Variants in MROH6 observed in about 807,000 individuals in gnomAD.
MROH6 encodes maestro heat-like repeat-containing protein family member 6.
Under a neutral mutation model 67.7 loss-of-function variants are expected in MROH6, and 62 were observed. The ratio of observed to expected loss-of-function variants is 0.92; its 90% CI spans 0.75 to 1.13. MROH6 has a LOEUF of 1.13. Among genes scored for constraint, MROH6 ranks in the 50% most tolerant of loss-of-function variants. MROH6 has a pLI of 0.00. For missense variants in MROH6, 1,175 were observed against 1,029.1 expected, an observed-to-expected ratio of 1.14 and a Z score of -1.94; for synonymous variants, 566 against 470.8, an observed-to-expected ratio of 1.20 and a Z score of -2.62.
At position 143,568,975 on chromosome 8, in the gene MROH6, G is replaced by C. The variant is rs994997039; in HGVS notation, c.1477-256C>G. On this transcript the variant is annotated intron_variant, in intron 9 of 13. Transcript: ENST00000398882. ...GAGGAGCTTGGCGGGACACGGCCCT[G>C]GAGGGGCGGAGCTGGGCGACAGCAG... 6.5e-6 allele frequency: 3 copies of C among 460,506 alleles called. No individual in the cohort carries two copies. The African/African-American group carries it at 7.0e-5, about 11-fold the overall frequency. 28.5% of individuals were successfully genotyped at this position (460,506 alleles called of 1,614,324 possible).
Position 143,572,631 on chromosome 8 carries a change from G to A in MROH6, c.84C>T (p.Ile28=). ...ALTLTALTEG[I]RARQGQPQGP... The stretch of plus-strand genomic sequence containing the variant: ...CCTGGGGCTGCCCCTGCCTGGCCCG[G>A]ATTCCTTCAGTCAGTGCTGTCAGGG... The change falls in exon 1 of 14, where the codon ATC becomes ATT. Residue 28 remains isoleucine (I), a synonymous_variant. Coordinates refer to ENST00000398882, the MANE Select transcript of MROH6 (RefSeq NM_001100878.2). 6.3e-7 allele frequency: 1 copy of A among 1,584,400 alleles called. No homozygotes were observed. Among genetic ancestry groups the A allele is most frequent in the South Asian group, 1.1e-5 (1 of 88,254 alleles).
Position 143,570,352 on chromosome 8 carries a change from G to C in MROH6, c.934C>G (p.Leu312Val). 6.2e-7 allele frequency: 1 copy of C among 1,610,920 alleles called. No homozygotes were observed. Among genetic ancestry groups the C allele is most frequent in the Non-Finnish European group, 8.5e-7 (1 of 1,179,786 alleles). The change falls in exon 6 of 14, where the codon CTC becomes GTC. Residue 312 changes from leucine (L) to valine (V), a missense_variant. Coordinates refer to ENST00000398882, the MANE Select transcript of MROH6 (RefSeq NM_001100878.2). The part of the protein sequence containing the change: ...SCAVEALKAL[L>V]TGDGGRMVVT... ...ACCATGCGGCCTCCATCCCCGGTGA[G>C]CAGCGCCTTCAAGGCCTCCACAGCA...
At chr8:143,571,564 C>G in intron 3 of MROH6, 103 bp downstream of exon 3, 10 of 1,457,492 alleles carry the variant, frequency 6.9e-6, no homozygotes, top group Non-Finnish European at 9.2e-6. Context: ...ATAAGGAGGC[C>G]CTGCCCCTTT....
At chr8:143,571,437 C>T (rs1824031127) in intron 3 of MROH6, among the ~76,000 whole-genome samples, 1 of 152,200 alleles carries the variant, frequency 6.6e-6, no homozygotes, top group South Asian at 2.1e-4. Context: ...TAGAAGGTGG[C>T]TCCAAGAGAG....
rs760581665 is a variant in MROH6 at position 143,570,528 on chromosome 8, C to A, written c.850G>T (p.Asp284Tyr). Residue 284 changes from aspartate to tyrosine, a missense_variant, in exon 5 of 14, where the codon GAC becomes TAC. Coordinates refer to ENST00000398882, the MANE Select transcript of MROH6 (RefSeq NM_001100878.2). The stretch of plus-strand genomic sequence containing the variant: ...GACAGAACCCAAATCTTGGGCATGT[C>A]GGGGGAGCACGGGCTGCGGGCCAGC... ...HKLARSPCSPDMPKIWVLSHR... is the reference protein window; with the variant it reads ...HKLARSPCSPYMPKIWVLSHR... 2 of 1,612,118 alleles carry A rather than the reference C, an allele frequency of 1.2e-6. No homozygotes were observed. Among genetic ancestry groups the A allele is most frequent in the South Asian group, 2.2e-5 (2 of 91,076 alleles).
In MROH6 at chr8:143,572,634, T is replaced by C. The variant is rs758753323; in HGVS notation, c.81A>G (p.Gly27=). The C allele has an allele frequency of 4.4e-6, 7 of 1,584,030 alleles. No homozygotes were observed. The Admixed American group carries it at 1.2e-4, about 28-fold the overall frequency. Reference sequence around the variant, plus strand: ...GGGGCTGCCCCTGCCTGGCCCGGATTCCTTCAGTCAGTGCTGTCAGGGTTA... The same window carrying C: ...GGGGCTGCCCCTGCCTGGCCCGGATCCCTTCAGTCAGTGCTGTCAGGGTTA... ...GALTLTALTE[G]IRARQGQPQG... The change falls in exon 1 of 14, where the codon GGA becomes GGG. Residue 27 remains glycine, a synonymous_variant. Coordinates refer to ENST00000398882, the MANE Select transcript of MROH6 (RefSeq NM_001100878.2).
rs563336590 is a variant in MROH6 at position 143,569,589 on chromosome 8, G to A, written c.1328C>T (p.Pro443Leu). 2.5e-6 allele frequency: 4 copies of A among 1,569,998 alleles called. No individual in the cohort carries two copies. In the Admixed American group the frequency reaches 5.4e-5, roughly 21 times the overall value. Reference protein sequence around the residue: ...RKVRHVSTLLPALLGALGEGD... With the variant: ...RKVRHVSTLLLALLGALGEGD... ...TTCGCCCAGTGCGCCCAGGAGCGCC[G>A]GCAGCAGCGTGCTCACGTGCCGCAC... The change falls in exon 9 of 14, where the codon CCG becomes CTG. Residue 443 changes from proline (P) to leucine (L), a missense_variant. Physicochemically the swap from Pro to Leu is moderately conservative, Grantham distance 98 (BLOSUM62 -3). Coordinates refer to ENST00000398882, the MANE Select transcript of MROH6 (RefSeq NM_001100878.2).
At position 143,567,284 on chromosome 8, in the gene MROH6, C is replaced by A. The variant is rs1386638882; in HGVS notation, c.2115G>T (p.Arg705=). The change falls in exon 14 of 14, where the codon CGG becomes CGT. Residue 705 remains arginine, a synonymous_variant. Coordinates refer to ENST00000398882, the MANE Select transcript of MROH6 (RefSeq NM_001100878.2). ...PVFADSPFQR[R]SVAGRWGCSG... is the part of the protein sequence containing the mutation. ...AGCAGCCCCAGCGGCCCGCGACGCT[C>A]CGGCGCTGGAAGGGGCTGTCGGCGA... is the stretch of plus-strand genomic sequence containing the variant. 3 of 1,222,642 alleles carry A rather than the reference C, an allele frequency of 2.5e-6. No individual in the cohort carries two copies. The highest frequency in any genetic ancestry group is 1.6e-5 in the African/African-American group (1 of 63,882). 75.7% of individuals were successfully genotyped at this position (1,222,642 alleles called of 1,614,324 possible). A position where few individuals can be genotyped will look rare whatever the true frequency, so the allele number is the denominator to read the frequency against.
In MROH6 at chr8:143,569,818, G is replaced by A. The variant is rs1351259078; in HGVS notation, c.1181C>T (p.Ala394Val). 1 of 1,611,466 alleles carries A rather than the reference G, an allele frequency of 6.2e-7. No individual in the cohort carries two copies. Among genetic ancestry groups the A allele is most frequent in the African/African-American group, 1.3e-5 (1 of 75,020 alleles). ...GATGACCTCCTCCCGCAGGAGCCGT[G>A]CGGTGGGCCGGCTCTGCAACAGCTA... Reference protein sequence around the residue: ...FTGLLQSRPTARLLREEVILE... With the variant: ...FTGLLQSRPTVRLLREEVILE... The change falls in exon 8 of 14, where the codon GCA (alanine) becomes GTA (valine). Residue 394 changes from alanine (A) to valine (V), a missense_variant. Ala to Val is a moderately conservative substitution (Grantham distance 64). Transcript: ENST00000398882.
intron 10 of MROH6, 28 bp downstream of exon 10, chr8:143,568,524 G>A (rs759208434): frequency 1.3e-6 from 2 of 1,508,700 alleles, no homozygotes; most frequent in South Asian, 2.5e-5. Context: ...GATGGCATAG[G>A]GGTGGGATGG....
Position 143,567,394 on chromosome 8 carries a change from C to T in MROH6, c.2005G>A (p.Ala669Thr). Residue 669 changes from alanine to threonine, a missense_variant, in exon 14 of 14, where the codon GCG becomes ACG. By Grantham distance (58) the Ala-to-Thr change is moderately conservative (BLOSUM62 0). Coordinates refer to ENST00000398882, the MANE Select transcript of MROH6 (RefSeq NM_001100878.2). ...AAAHVSAQQV[A>T]MLARARGCPR... ...CAGCCCCGGGCACGGGCCAGCATCGCCACCTGCTGAGCGGACACGTGCGCT... is the reference window on the plus strand; with the variant it reads ...CAGCCCCGGGCACGGGCCAGCATCGTCACCTGCTGAGCGGACACGTGCGCT... 1 of 1,255,618 alleles carries T rather than the reference C, an allele frequency of 8.0e-7. No homozygotes were observed. The highest frequency in any genetic ancestry group is 1.0e-6 in the Non-Finnish European group (1 of 1,000,220). The allele number at this position is 1,255,618 out of a possible 1,614,324, so 77.8% of individuals were successfully genotyped here. A position where few individuals can be genotyped will look rare whatever the true frequency, so the allele number is the denominator to read the frequency against.
chr8:143,568,199 C>A lies in MROH6; in HGVS notation c.1707G>T (p.Leu569Phe). The A allele has an allele frequency of 5.0e-6, 8 of 1,611,004 alleles. No homozygotes were observed. The highest frequency in any genetic ancestry group is 6.8e-6 in the Non-Finnish European group (8 of 1,179,232). ...GGCTGTCATAGTGGGCCACGGTGAC[C>A]AACTCCTCCAGCAGGCCCCAGCAAA... ...HAFCWGLLEELVTVAHYDSPE... is the reference protein window; with the variant it reads ...HAFCWGLLEEFVTVAHYDSPE... Residue 569 changes from leucine to phenylalanine, a missense_variant, in exon 11 of 14, where the codon TTG becomes TTT. By Grantham distance (22) the Leu-to-Phe change is conservative. Transcript: ENST00000398882.
chr8:143,572,408 C>T lies in MROH6; in HGVS notation c.294+13G>A, dbSNP rs1824105125. 2 of 1,548,044 alleles carry T rather than the reference C, an allele frequency of 1.3e-6. No homozygotes were observed. The highest frequency in any genetic ancestry group is 2.7e-5 in the African/African-American group (2 of 73,910). The stretch of plus-strand genomic sequence containing the variant: ...AGGCCGGTTCGCACAACATCCCTTC[C>T]CTCCCCCGTCACCTGGTGGGGCCCC... On this transcript the variant is annotated intron_variant, in intron 1 of 13. Coordinates refer to ENST00000398882, the MANE Select transcript of MROH6 (RefSeq NM_001100878.2).
intron 7 of MROH6, 28 bp from the exon 8 acceptor site, chr8:143,569,868 CCCG>C: frequency 6.2e-7 from 1 of 1,609,768 alleles, no homozygotes; most frequent in Non-Finnish European, 8.5e-7. Context: ...GGTCAGCACG[CCCG>C]CGGTCCCCGT....
At position 143,569,576 on chromosome 8, in the gene MROH6, G is replaced by C. The variant is rs1315707169; in HGVS notation, c.1341C>G (p.Gly447=). The change falls in exon 9 of 14, where the codon GGC becomes GGG. Residue 447 remains glycine, a synonymous_variant. Coordinates refer to ENST00000398882, the MANE Select transcript of MROH6 (RefSeq NM_001100878.2). ...HVSTLLPALL[G]ALGEGDARLV... Reference sequence around the variant, plus strand: ...GCCGCGCGTCGCCTTCGCCCAGTGCGCCCAGGAGCGCCGGCAGCAGCGTGC... The same window carrying C: ...GCCGCGCGTCGCCTTCGCCCAGTGCCCCCAGGAGCGCCGGCAGCAGCGTGC... The C allele has an allele frequency of 4.5e-6, 7 of 1,559,890 alleles. No individual in the cohort carries two copies. The highest frequency in any genetic ancestry group is 6.0e-6 in the Non-Finnish European group (7 of 1,158,056).
At chr8:143,570,693 G>T (rs751237164) in intron 4 of MROH6, 36 bp from the exon 5 acceptor site, 3 of 1,562,522 alleles carry the variant, frequency 1.9e-6, no homozygotes, top group Middle Eastern at 1.7e-4. Context: ...CCTGGGGCAC[G>T]CCTGGAGCTG....
chr8:143,570,828 C>T (rs1448727875), intron 4 of MROH6, 49 bp downstream of exon 4: 16 of 1,141,242 alleles, frequency 1.4e-5, no homozygotes, highest in African/African-American at 1.6e-5. Context: ...CGCTCCTCGC[C>T]ACCCCCCACC....
At position 143,567,825 on chromosome 8, in the gene MROH6, G is replaced by T; in HGVS notation, c.1828C>A (p.Pro610Thr). Residue 610 changes from proline to threonine, a missense_variant, in exon 12 of 14, where the codon CCA becomes ACA. Pro to Thr is a conservative substitution (Grantham distance 38). Transcript: ENST00000398882. ...GCTGCCCGGCGCAGGGGGTCCTGTG[G>T]ACTCCGCAGGTAGCCCTGGGTCTGG... ...LSQTQGYLRS[P>T]QDPLRRAAAV... is the part of the protein sequence containing the mutation. The T allele has an allele frequency of 6.5e-7, 1 of 1,534,636 alleles. No individual in the cohort carries two copies. Among genetic ancestry groups the T allele is most frequent in the Middle Eastern group, 1.8e-4 (1 of 5,606 alleles).
chr8:143,570,349 T>A lies in MROH6; in HGVS notation c.937A>T (p.Thr313Ser), dbSNP rs367667331. Reference protein sequence around the residue: ...CAVEALKALLTGDGGRMVVTC... With the variant: ...CAVEALKALLSGDGGRMVVTC... ...ACCACCATGCGGCCTCCATCCCCGG[T>A]GAGCAGCGCCTTCAAGGCCTCCACA... The change falls in exon 6 of 14, where the codon ACC (threonine) becomes TCC (serine). Residue 313 changes from threonine to serine, a missense_variant. Coordinates refer to ENST00000398882, the MANE Select transcript of MROH6 (RefSeq NM_001100878.2). 349 of 1,610,712 alleles carry A rather than the reference T, an allele frequency of 2.2e-4. No individual in the cohort carries two copies. The highest frequency in any genetic ancestry group is 3.5e-4 in the Admixed American group (21 of 59,966).
Sources: allele counts gnomAD v4.1 joint callset (sites outside exome capture counted in the v4.1 genomes callset), GRCh38; gene constraint gnomAD v4.1.1; transcripts MANE v1.5; gene names NCBI Gene and HGNC (gene_info 2026-07-23, HGNC 2026-07-21).